PCDHA6: variants seen among roughly 807,000 people sequenced by gnomAD.
The protein encoded by PCDHA6 is protocadherin alpha 6, also known as protocadherin alpha-6.
In PCDHA6, 55 loss-of-function variants were observed where a neutral mutation model predicts 60.3. The observed-to-expected ratio is 0.91, with a 90% CI of 0.73 to 1.14. The LOEUF (loss-of-function observed/expected upper bound fraction) is 1.14. Ranked by LOEUF, PCDHA6 falls within the 50% of genes most tolerant of loss-of-function variation. The pLI is 0.00. For missense variants in PCDHA6, 1,327 were observed against 1,256.5 expected, an observed-to-expected ratio of 1.06 and a Z score of -0.85; for synonymous variants, 652 against 557.9, an observed-to-expected ratio of 1.17 and a Z score of -2.38.
intron 1 of PCDHA6, among the ~76,000 whole-genome samples, chr5:140,936,591 G>T (rs1188475668): frequency 6.6e-6 from 1 of 152,180 alleles, no homozygotes; most frequent in Non-Finnish European, 1.5e-5. Context: ...CAGTTAGATT[G>T]CCTACTTTCC....
intron 3 of PCDHA6, among the ~76,000 whole-genome samples, chr5:141,004,282 G>T (rs1444607316): frequency 3.3e-5 from 5 of 152,190 alleles, no homozygotes; most frequent in African/African-American, 1.2e-4. Context: ...ACATGCTGCT[G>T]AGCTCTCAGA....
intron 1 of PCDHA6, among the ~76,000 whole-genome samples, chr5:140,946,432 A>C (rs1254032204): frequency 6.6e-6 from 1 of 151,682 alleles, no homozygotes; most frequent in Admixed American, 6.6e-5. Context: ...GTTACTCAAA[A>C]ATTGAGACTA....
intron 1 of PCDHA6, chr5:140,884,480 A>G (rs782532542): frequency 6.2e-7 from 1 of 1,613,780 alleles, no homozygotes; most frequent in South Asian, 1.1e-5. Context: ...GGGCAAGCCC[A>G]CTCTAGTGTG....
chr5:140,843,004 C>T (rs2150349830), intron 1 of PCDHA6: 21 of 1,595,032 alleles, frequency 1.3e-5, no homozygotes, highest in Admixed American at 1.0e-4. Flanking sequence ...AGAATGACAA[C>T]GCGCCGGCAC....
chr5:140,928,571 C>T (rs369670852), intron 1 of PCDHA6: 1 of 1,614,180 alleles, frequency 6.2e-7, no homozygotes, highest in East Asian at 2.2e-5. Context: ...TTTCCCTTGC[C>T]CAGAAATGGT....
intron 1 of PCDHA6, among the ~76,000 whole-genome samples, chr5:140,957,130 A>G (rs1554222831): frequency 6.6e-6 from 1 of 152,188 alleles, no homozygotes; most frequent in East Asian, 1.9e-4. Context: ...TCTTTACTAC[A>G]CTATGAACTA....
At chr5:140,844,072 C>T (rs1779214774) in intron 1 of PCDHA6, among the ~76,000 whole-genome samples, 1 of 149,460 alleles carries the variant, frequency 6.7e-6, no homozygotes, top group African/African-American at 2.5e-5. Context: ...TTCTTTTGTC[C>T]TTAGGCACTG....
intron 1 of PCDHA6, chr5:140,929,227 G>A (rs141300036): frequency 6.2e-6 from 10 of 1,613,774 alleles, no homozygotes; most frequent in Admixed American, 5.0e-5. Context: ...CAATGCTGCC[G>A]ACCTGCGAAA....
Position 140,843,872 on chromosome 5 carries a change from G to A in PCDHA6, c.2394+13387G>A, listed in dbSNP as rs2150367258. ...TTTTATAATTAATTGAATTTTCTCA[G>A]TGGCATAATACAGTATTAATCATTC... On this transcript the variant is annotated intron_variant, in intron 1 of 3. Transcript: ENST00000529310. The A allele has an allele frequency of 1.5e-4, 121 of 801,174 alleles. 7 individuals carry two copies. The highest frequency in any genetic ancestry group is 2.3e-4 in the Non-Finnish European group (116 of 509,628). The allele number at this position is 801,174 out of a possible 1,614,324, so 49.6% of individuals were successfully genotyped here.
chr5:140,931,626 A>G (rs1048704969), intron 1 of PCDHA6, among the ~76,000 whole-genome samples: 1 of 152,052 alleles, frequency 6.6e-6, no homozygotes, highest in Non-Finnish European at 1.5e-5. Flanking sequence ...CTTTTTAGGT[A>G]GCTCATTGGT....
At chr5:140,841,094 G>C in intron 1 of PCDHA6, 1 of 568,882 alleles carries the variant, frequency 1.8e-6, no homozygotes, top group Non-Finnish European at 3.0e-6. Context: ...GAAGAACCCA[G>C]ATATTGCGGA....
chr5:140,836,336 G>A (rs1346966791), intron 1 of PCDHA6: 4 of 1,613,640 alleles, frequency 2.5e-6, no homozygotes, highest in Admixed American at 1.7e-5. Context: ...TGGTGCTTGT[G>A]AAGGACCACG....
chr5:140,939,466 AT>A (rs1364092543), intron 1 of PCDHA6, among the ~76,000 whole-genome samples: 31 of 152,168 alleles, frequency 2.0e-4, no homozygotes, highest in African/African-American at 7.5e-4. Flanking sequence ...TAGGCCTAGA[AT>A]TCTCTTCATG....
At chr5:140,920,767 C>T (rs1484117906) in intron 1 of PCDHA6, among the ~76,000 whole-genome samples, 1 of 151,632 alleles carries the variant, frequency 6.6e-6, no homozygotes. Context: ...TTGCTTACAC[C>T]TGGGAGGTGG....
chr5:140,970,227 A>T (rs186622858), intron 1 of PCDHA6, among the ~76,000 whole-genome samples: 190 of 152,300 alleles, frequency 1.2e-3, no homozygotes, highest in African/African-American at 4.2e-3. Flanking sequence ...GCAGCCTGTA[A>T]TCTTCTGATT....
At position 140,859,256 on chromosome 5, in the gene PCDHA6, G is replaced by T. The variant is rs182882850; in HGVS notation, c.2394+28771G>T. ...TCATGCTTATGTTTAATAATGAAGA[G>T]AATTTGAACACTTTTTACTTTTGAG... is the stretch of plus-strand genomic sequence containing the variant. On this transcript the variant is annotated intron_variant, in intron 1 of 3. Coordinates refer to ENST00000529310, the MANE Select transcript of PCDHA6 (RefSeq NM_018909.4). The T allele has an allele frequency of 2.0e-4, 26 of 131,456 alleles. 1 individual carries two copies. The East Asian group carries it at 5.2e-3, about 26-fold the overall frequency. The allele number at this position is 131,456 out of a possible 1,614,324, so 8.1% of individuals were successfully genotyped here.
intron 1 of PCDHA6, among the ~76,000 whole-genome samples, chr5:140,891,208 C>T (rs2062983751): frequency 1.3e-5 from 2 of 152,002 alleles, no homozygotes; most frequent in African/African-American, 4.8e-5. Context: ...TTTTACCATG[C>T]TGTGTCTTTA....
chr5:140,955,452 G>C (rs921510611), intron 1 of PCDHA6, among the ~76,000 whole-genome samples: 3 of 152,024 alleles, frequency 2.0e-5, no homozygotes, highest in Non-Finnish European at 4.4e-5. Context: ...TTTTATAAGG[G>C]CTTTTTCCTT....
rs782623559 is a variant in PCDHA6 at position 141,009,752 on chromosome 5, A to G, written c.2668A>G (p.Ile890Val). The G allele has an allele frequency of 3.1e-6, 5 of 1,614,086 alleles. No homozygotes were observed. Among genetic ancestry groups the G allele is most frequent in the East Asian group, 4.5e-5 (2 of 44,882 alleles). The change falls in exon 4 of 4, where the codon ATC becomes GTC. Residue 890 changes from isoleucine (I) to valine (V), a missense_variant. Physicochemically the swap from Ile to Val is conservative, Grantham distance 29. Transcript: ENST00000529310. ...CGGTGAGTTGCCCGACAAATTCATT[A>G]TCCCAGGATCTCCTGCAATCATCTC... ...GPGELPDKFIIPGSPAIISIR... is the reference protein window; with the variant it reads ...GPGELPDKFIVPGSPAIISIR...
Sources: gnomAD v4.1 joint callset for allele counts (sites outside exome capture counted in the v4.1 genomes callset) on GRCh38, gnomAD v4.1.1 for gene constraint, MANE v1.5 for transcripts, NCBI Gene and HGNC (gene_info 2026-07-23, HGNC 2026-07-21) for gene names.